ICE2: variants seen among roughly 807,000 people sequenced by gnomAD.
The protein encoded by ICE2 is little elongation complex subunit 2.
In ICE2, 87 loss-of-function variants were observed where a neutral mutation model predicts 105.4. The observed-to-expected ratio is 0.83, with a 90% CI of 0.69 to 0.99. The LOEUF (loss-of-function observed/expected upper bound fraction) is 0.99, where lower values mean the gene tolerates loss of function less well. Among genes scored for constraint, ICE2 ranks in the 50% least tolerant of loss-of-function variants. ICE2 has a pLI of 0.00. For synonymous variants in ICE2, 399 were observed against 392.0 expected, an observed-to-expected ratio of 1.02 and a Z score of -0.21; for missense variants, 1,323 against 1,146.7, an observed-to-expected ratio of 1.15 and a Z score of -2.22.
chr15:60,469,014 A>G (rs2064507685), intron 3 of ICE2, among the ~76,000 whole-genome samples: 1 of 152,190 alleles, frequency 6.6e-6, no homozygotes, highest in Non-Finnish European at 1.5e-5. Context: ...TAGCTTCAGA[A>G]CCTGTTACCA....
At chr15:60,424,256 G>C (rs972981943) in intron 15 of ICE2, among the ~76,000 whole-genome samples, 1 of 151,304 alleles carries the variant, frequency 6.6e-6, no homozygotes, top group African/African-American at 2.4e-5. Context: ...ATTGAGGAAA[G>C]AGATGAAGAT....
At chr15:60,434,569 T>C (rs1472987752) in intron 13 of ICE2, among the ~76,000 whole-genome samples, 1 of 126,480 alleles carries the variant, frequency 7.9e-6, no homozygotes, top group African/African-American at 3.1e-5. Flanking sequence ...ACACACACAA[T>C]GGAATATATT....
At chr15:60,454,622 C>G (rs897785577) in intron 8 of ICE2, 1 of 158,754 alleles carries the variant, frequency 6.3e-6, no homozygotes, top group African/African-American at 2.4e-5. Flanking sequence ...TAAATCAGTA[C>G]TTTGATATCT....
chr15:60,472,691 A>G (rs921623412), intron 3 of ICE2, among the ~76,000 whole-genome samples: 2 of 152,184 alleles, frequency 1.3e-5, no homozygotes, highest in Non-Finnish European at 2.9e-5. Flanking sequence ...GGACTTGAAA[A>G]GAACCGTAAA....
At chr15:60,477,797 G>C (rs2064807383) in intron 2 of ICE2, 140 bp downstream of exon 2, 1 of 739,838 alleles carries the variant, frequency 1.4e-6, no homozygotes, top group East Asian at 2.5e-5. Context: ...GTGAAGATGA[G>C]GATAGGGTAA....
intron 11 of ICE2, chr15:60,447,349 T>G (rs1029268090): frequency 6.6e-6 from 1 of 152,184 alleles, no homozygotes; most frequent in Non-Finnish European, 1.5e-5. Flanking sequence ...CCAATCTAGA[T>G]GTAATCTATG....
intron 9 of ICE2, among the ~76,000 whole-genome samples, chr15:60,450,126 G>A (rs1279810118): frequency 2.0e-5 from 3 of 152,170 alleles, no homozygotes; most frequent in African/African-American, 2.4e-5. Flanking sequence ...GAATTTCAAC[G>A]AATCAAAAAA....
intron 9 of ICE2, chr15:60,453,249 G>C (rs2064008468): frequency 9.9e-7 from 1 of 1,012,752 alleles, no homozygotes; most frequent in Non-Finnish European, 1.2e-6. Context: ...TAAAACTCTT[G>C]AATATGAATG....
At chr15:60,452,631 T>A (rs947565163) in intron 9 of ICE2, 1 of 157,698 alleles carries the variant, frequency 6.3e-6, no homozygotes, top group African/African-American at 2.4e-5. Context: ...AAGTTCTCTA[T>A]AAACAATGTA....
chr15:60,426,066 G>C (rs936013), intron 15 of ICE2, among the ~76,000 whole-genome samples: 94,818 of 152,046 alleles, frequency 0.62, 32,193 homozygotes, highest in East Asian at 0.93. Context: ...TTCCTGGACT[G>C]AATGCATGAA....
At chr15:60,450,208 C>A (rs2063932086) in intron 9 of ICE2, among the ~76,000 whole-genome samples, 1 of 152,146 alleles carries the variant, frequency 6.6e-6, no homozygotes, top group Non-Finnish European at 1.5e-5. Flanking sequence ...ACTCTATAGG[C>A]TCCTGCAGAG....
intron 6 of ICE2, 37 bp downstream of exon 6, chr15:60,456,620 C>T: frequency 7.7e-7 from 1 of 1,302,562 alleles, no homozygotes; most frequent in South Asian, 1.3e-5. Flanking sequence ...CTATTTCAGA[C>T]AAAAAAAAGC....
intron 9 of ICE2, chr15:60,452,790 T>C: frequency 2.2e-6 from 2 of 896,336 alleles, no homozygotes; most frequent in Non-Finnish European, 1.3e-6. Flanking sequence ...TGATGCCCAT[T>C]TTACAGATAA....
At chr15:60,475,097 T>C (rs1169702272) in intron 3 of ICE2, among the ~76,000 whole-genome samples, 1 of 152,216 alleles carries the variant, frequency 6.6e-6, no homozygotes, top group African/African-American at 2.4e-5. Flanking sequence ...TCCTCCACTG[T>C]AAAAGGAGAA....
At chr15:60,475,039 G>A (rs1045465760) in intron 3 of ICE2, among the ~76,000 whole-genome samples, 1 of 152,100 alleles carries the variant, frequency 6.6e-6, no homozygotes, top group African/African-American at 2.4e-5. Flanking sequence ...AGGGGACAAC[G>A]GACAGAAAAG....
chr15:60,471,196 A>G (rs188239946), intron 3 of ICE2, among the ~76,000 whole-genome samples: 1 of 152,338 alleles, frequency 6.6e-6, no homozygotes, highest in East Asian at 1.9e-4. Context: ...AGAATTTTGG[A>G]AATTAAAATT....
At chr15:60,441,184 A>G (rs1244758476) in intron 12 of ICE2, 1 of 152,202 alleles carries the variant, frequency 6.6e-6, no homozygotes, top group African/African-American at 2.4e-5. Context: ...AGGAACATTG[A>G]AATTTTGGTT....
At chr15:60,463,294 A>C (rs1450701683) in intron 5 of ICE2, among the ~76,000 whole-genome samples, 1 of 152,242 alleles carries the variant, frequency 6.6e-6, no homozygotes. Flanking sequence ...TGCTTAGAAT[A>C]AGCTCCCAAA....
In ICE2 at chr15:60,479,061, C is replaced by T; in HGVS notation, c.-151G>A. ...AGCCACACACCACACACGCTCCACC[C>T]CACTCCTCACATTGTCGCGCGCGCC... On this transcript the variant is annotated 5_prime_UTR_variant, in exon 1 of 16. It introduces an in-frame stop codon into an upstream open reading frame of the 5' UTR. Transcript: ENST00000261520. The T allele has an allele frequency of 2.2e-6, 1 of 454,196 alleles. No homozygotes were observed. The highest frequency in any genetic ancestry group is 4.4e-6 in the Non-Finnish European group (1 of 225,478). 28.1% of individuals were successfully genotyped at this position (454,196 alleles called of 1,614,324 possible).
Sources: gnomAD v4.1 joint callset for allele counts (sites outside exome capture counted in the v4.1 genomes callset) on GRCh38, gnomAD v4.1.1 for gene constraint, MANE v1.5 for transcripts, NCBI Gene and HGNC (gene_info 2026-07-23, HGNC 2026-07-21) for gene names.